The following TMTC2 variants were observed in gnomAD, a reference collection of about 807,000 sequenced individuals.
TMTC2 encodes the protein protein O-mannosyl-transferase TMTC2.
A neutral mutation model predicts 82.4 loss-of-function variants in TMTC2; 43 were observed. That is an observed-to-expected ratio of 0.52 (90% CI 0.41 to 0.67). The LOEUF (loss-of-function observed/expected upper bound fraction) is 0.67, where lower values mean the gene tolerates loss of function less well. TMTC2 is among the 30% of genes least tolerant of loss of function. The pLI is 0.00. For missense variants in TMTC2, 919 were observed against 1,012.4 expected, an observed-to-expected ratio of 0.91 and a Z score of 1.25; for synonymous variants, 408 against 381.9, an observed-to-expected ratio of 1.07 and a Z score of -0.80.
intron 1 of TMTC2, among the ~76,000 whole-genome samples, chr12:82,765,936 G>A (rs946806305): frequency 2.6e-5 from 4 of 152,088 alleles, no homozygotes; most frequent in African/African-American, 9.7e-5. Flanking sequence ...GAACTCAGTG[G>A]GTTTCAACAT....
At chr12:82,765,852 T>C (rs1420067184) in intron 1 of TMTC2, among the ~76,000 whole-genome samples, 1 of 152,098 alleles carries the variant, frequency 6.6e-6, no homozygotes, top group East Asian at 1.9e-4. Flanking sequence ...TATTAAAAGA[T>C]AATACTTTTT....
chr12:83,067,620 G>C (rs978684257), intron 11 of TMTC2, among the ~76,000 whole-genome samples: 2 of 151,990 alleles, frequency 1.3e-5, no homozygotes, highest in African/African-American at 2.4e-5. Context: ...TGCTAATCCT[G>C]TGGGGGAAGA....
intron 1 of TMTC2, among the ~76,000 whole-genome samples, chr12:82,756,594 G>A (rs1876340086): frequency 6.6e-6 from 1 of 152,176 alleles, no homozygotes; most frequent in Non-Finnish European, 1.5e-5. Flanking sequence ...ATCCTGAATA[G>A]TGATTAGATA....
intron 1 of TMTC2, among the ~76,000 whole-genome samples, chr12:82,731,875 A>G (rs1874825250): frequency 6.6e-6 from 1 of 152,236 alleles, no homozygotes; most frequent in Admixed American, 6.5e-5. Context: ...CAAAAATAAT[A>G]TAGAGCCAAT....
At chr12:83,100,032 G>A (rs11115586) in intron 11 of TMTC2, among the ~76,000 whole-genome samples, 12,598 of 151,654 alleles carry the variant, frequency 0.083, 703 homozygotes, top group African/African-American at 0.14. Context: ...TGATTCTCCT[G>A]TCTCAGCCTC....
chr12:82,733,937 G>A (rs1234182538), intron 1 of TMTC2, among the ~76,000 whole-genome samples: 4 of 152,148 alleles, frequency 2.6e-5, no homozygotes, highest in South Asian at 2.1e-4. Flanking sequence ...AATATTAATT[G>A]AGGGCCCAGG....
At chr12:83,017,835 C>T (rs1236683573) in intron 8 of TMTC2, among the ~76,000 whole-genome samples, 1 of 149,444 alleles carries the variant, frequency 6.7e-6, no homozygotes, top group Non-Finnish European at 1.5e-5. Flanking sequence ...AAAACTTATT[C>T]AGATCAGTGG....
At chr12:82,857,689 TAAGTTC>T in intron 2 of TMTC2, 109 bp downstream of exon 2, 1 of 1,053,616 alleles carries the variant, frequency 9.5e-7, no homozygotes, top group Non-Finnish European at 1.3e-6. Flanking sequence ...GAATTTAAAA[TAAGTTC>T]CTTTTTGATC....
intron 4 of TMTC2, among the ~76,000 whole-genome samples, chr12:82,942,819 T>C (rs1444636579): frequency 6.6e-6 from 1 of 152,124 alleles, no homozygotes; most frequent in Non-Finnish European, 1.5e-5. Context: ...AGAGTTAAAA[T>C]ACATCTAGCT....
chr12:83,015,008 A>G (rs1432265744), intron 8 of TMTC2, among the ~76,000 whole-genome samples: 1 of 152,190 alleles, frequency 6.6e-6, no homozygotes, highest in South Asian at 2.1e-4. Context: ...CCGCTTTTCT[A>G]GGGATCAACC....
At chr12:82,784,152 A>G (rs968175643) in intron 1 of TMTC2, among the ~76,000 whole-genome samples, 1 of 152,082 alleles carries the variant, frequency 6.6e-6, no homozygotes, top group African/African-American at 2.4e-5. Context: ...TACACAAATA[A>G]TACTTGAATA....
At chr12:82,932,652 C>T (rs1565815645) in intron 4 of TMTC2, among the ~76,000 whole-genome samples, 4 of 151,978 alleles carry the variant, frequency 2.6e-5, no homozygotes, top group African/African-American at 7.2e-5. Context: ...CTTTTTGCAT[C>T]TGAAAGTGAT....
chr12:83,033,269 CT>C (rs1001255419), intron 9 of TMTC2, among the ~76,000 whole-genome samples: 1 of 152,092 alleles, frequency 6.6e-6, no homozygotes, highest in African/African-American at 2.4e-5. Context: ...TAATGATTTT[CT>C]TTTAGAGGGA....
intron 1 of TMTC2, among the ~76,000 whole-genome samples, chr12:82,711,582 G>A (rs1234378138): frequency 2.0e-5 from 3 of 152,042 alleles, no homozygotes; most frequent in African/African-American, 7.2e-5. Flanking sequence ...TTAACTCTTA[G>A]TCTTTTACCT....
intron 1 of TMTC2, among the ~76,000 whole-genome samples, chr12:82,806,973 A>G (rs888851259): frequency 6.6e-6 from 1 of 152,156 alleles, no homozygotes; most frequent in African/African-American, 2.4e-5. Context: ...CCATGATTTT[A>G]TGACTCCTAG....
rs371841488 is a variant in TMTC2, at chr12:82,701,821, A to G, written c.83+14152A>G. ...CTCCTAATTAAAACATCTTTTACAT[A>G]TTTAACATTTTTCTAGGGATTCCCT... On this transcript the variant is annotated intron_variant, in intron 1 of 11. Transcript: ENST00000321196. Among the ~76,000 whole-genome samples the G allele has an allele frequency of 1.3e-3, 204 of 152,122 alleles. 8 individuals are homozygous for G. In the South Asian group the frequency reaches 0.041, roughly 31 times the overall value.
At chr12:82,976,826 C>T (rs1010555871) in intron 7 of TMTC2, among the ~76,000 whole-genome samples, 9 of 151,898 alleles carry the variant, frequency 5.9e-5, no homozygotes, top group East Asian at 1.9e-4. Flanking sequence ...AAATGATCAT[C>T]GGACTGCAGG....
At chr12:82,727,390 C>T (rs567937844) in intron 1 of TMTC2, among the ~76,000 whole-genome samples, 1 of 152,170 alleles carries the variant, frequency 6.6e-6, no homozygotes, top group African/African-American at 2.4e-5. Flanking sequence ...CAGAGCTACC[C>T]TGACCCCTGA....
At chr12:83,079,414 A>G (rs985838494) in intron 11 of TMTC2, among the ~76,000 whole-genome samples, 18 of 152,220 alleles carry the variant, frequency 1.2e-4, no homozygotes, top group Admixed American at 1.1e-3. Context: ...TTAAATAGAT[A>G]GTGCATTTTC....
Sources: allele counts gnomAD v4.1 joint callset (sites outside exome capture counted in the v4.1 genomes callset), GRCh38; gene constraint gnomAD v4.1.1; transcripts MANE v1.5; gene names NCBI Gene and HGNC (gene_info 2026-07-23, HGNC 2026-07-21).